The following CLASP2 variants were observed in gnomAD, a reference collection of about 807,000 sequenced individuals.
The protein encoded by CLASP2 is CLIP-associating protein 2.
A neutral mutation model predicts 194.4 loss-of-function variants in CLASP2; 47 were observed. The ratio of observed to expected loss-of-function variants is 0.24; its 90% confidence interval spans 0.19 to 0.31. CLASP2 has a LOEUF of 0.31. Among genes scored for constraint, CLASP2 ranks in the 10% least tolerant of loss-of-function variants. The pLI is 1.00. For synonymous variants in CLASP2, 619 were observed against 633.5 expected, an observed-to-expected ratio of 0.98 and a Z score of 0.34; for missense variants, 1,445 against 1,823.6, an observed-to-expected ratio of 0.79 and a Z score of 3.78.
At chr3:33,713,012 C>CAGAAAA (rs1559717375) in intron 1 of CLASP2, among the ~76,000 whole-genome samples, 4 of 47,006 alleles carry the variant, frequency 8.5e-5, no homozygotes, top group Non-Finnish European at 1.3e-4. Context: ...AACTCCACCT[C>CAGAAAA]AAAAAAAAAA....
intron 34 of CLASP2, among the ~76,000 whole-genome samples, chr3:33,526,521 C>T (rs2054607963): frequency 6.6e-6 from 1 of 152,140 alleles, no homozygotes; most frequent in African/African-American, 2.4e-5. Flanking sequence ...GATTCCCACA[C>T]AGTAACAGCA....
chr3:33,520,075 G>A (rs1196465309), intron 34 of CLASP2, among the ~76,000 whole-genome samples: 2 of 152,102 alleles, frequency 1.3e-5, no homozygotes, highest in South Asian at 2.1e-4. Flanking sequence ...GTGCACTGGC[G>A]TGATCTTGGC....
chr3:33,710,465 CAGA>C (rs1445696490), intron 1 of CLASP2, among the ~76,000 whole-genome samples: 2 of 152,120 alleles, frequency 1.3e-5, no homozygotes, highest in Non-Finnish European at 2.9e-5. Context: ...TTCAGCTACT[CAGA>C]AGACTGAGGC....
At chr3:33,695,220 A>ATTTTTTTTTTT (rs762657276) in intron 2 of CLASP2, among the ~76,000 whole-genome samples, 16 of 103,806 alleles carry the variant, frequency 1.5e-4, no homozygotes, top group African/African-American at 3.4e-4. Flanking sequence ...AAGCCTGCTA[A>ATTTTTTTTTTT]TTTTTTTTTT....
At chr3:33,551,956 T>G (rs76539977) in intron 29 of CLASP2, among the ~76,000 whole-genome samples, 1 of 151,228 alleles carries the variant, frequency 6.6e-6, no homozygotes, top group Non-Finnish European at 1.5e-5. Context: ...TTTTTTTTTT[T>G]GGTAAAACAC....
intron 30 of CLASP2, among the ~76,000 whole-genome samples, chr3:33,546,832 C>T (rs1033278015): frequency 6.6e-6 from 1 of 152,206 alleles, no homozygotes; most frequent in Non-Finnish European, 1.5e-5. Flanking sequence ...TCTACAGTCA[C>T]ATCAGTATTC....
At chr3:33,656,290 T>C (rs2084198114) in intron 7 of CLASP2, among the ~76,000 whole-genome samples, 1 of 152,062 alleles carries the variant, frequency 6.6e-6, no homozygotes, top group African/African-American at 2.4e-5. Context: ...CTGGAATATA[T>C]AAAAAGCAAG....
chr3:33,593,107 T>C (rs2069222475), intron 20 of CLASP2, among the ~76,000 whole-genome samples: 1 of 152,198 alleles, frequency 6.6e-6, no homozygotes, highest in African/African-American at 2.4e-5. Context: ...CTCAATATAT[T>C]TCTTTTCATA....
At position 33,592,436 on chromosome 3, in the gene CLASP2, G is replaced by A. The variant is rs780874039; in HGVS notation, c.2027C>T (p.Ser676Phe). The change falls in exon 21 of 39, where the codon TCT (serine) becomes TTT (phenylalanine). Residue 676 changes from serine to phenylalanine, a missense_variant. Transcript: ENST00000682230. Reference protein sequence around the residue: ...LAGMGNAKADSRGRSRTKMVS... With the variant: ...LAGMGNAKADFRGRSRTKMVS... ...CATTTTTGTTCGACTTCTTCCTCTA[G>A]AATCTGCCTTGGCATTTCCCATGCC... The A allele has an allele frequency of 2.2e-5, 35 of 1,613,800 alleles. No individual in the cohort carries two copies. Among genetic ancestry groups the A allele is most frequent in the Non-Finnish European group, 2.9e-5 (34 of 1,179,826 alleles).
intron 6 of CLASP2, among the ~76,000 whole-genome samples, chr3:33,668,908 G>C (rs1415581028): frequency 1.3e-5 from 2 of 152,174 alleles, no homozygotes; most frequent in Non-Finnish European, 2.9e-5. Context: ...AGGGAGAAAT[G>C]GTAAGAATGG....
Position 33,596,641 on chromosome 3 carries a change from G to T in CLASP2, c.1948+70C>A. ...TATTTTTAGAAATTAAGAGAAGAAT[G>T]AACAAGGATATTATATAGAATCCAG... On this transcript the variant is annotated intron_variant, in intron 19 of 38. Transcript: ENST00000682230. The T allele has an allele frequency of 3.9e-6, 4 of 1,036,012 alleles. No individual in the cohort carries two copies. In the South Asian group the frequency reaches 4.7e-5, roughly 12 times the overall value. 64.2% of individuals were successfully genotyped at this position (1,036,012 alleles called of 1,614,324 possible).
chr3:33,547,790 ATTTTTT>A (rs551611344), intron 30 of CLASP2, among the ~76,000 whole-genome samples: 8 of 136,020 alleles, frequency 5.9e-5, no homozygotes, highest in African/African-American at 8.2e-5. Flanking sequence ...TATTTTATGT[ATTTTTT>A]TTTTTTTTTT....
intron 5 of CLASP2, among the ~76,000 whole-genome samples, chr3:33,686,169 A>T (rs2090644560): frequency 6.6e-6 from 1 of 152,184 alleles, no homozygotes; most frequent in Non-Finnish European, 1.5e-5. Flanking sequence ...AAAGAAGGGA[A>T]AATCTTTCCT....
At chr3:33,552,695 C>T (rs2060231897) in intron 29 of CLASP2, among the ~76,000 whole-genome samples, 1 of 152,080 alleles carries the variant, frequency 6.6e-6, no homozygotes, top group Admixed American at 6.6e-5. Flanking sequence ...TTCAGTCACC[C>T]CTTTTCTGTG....
intron 6 of CLASP2, among the ~76,000 whole-genome samples, chr3:33,673,928 C>T (rs978320995): frequency 1.3e-5 from 2 of 152,034 alleles, no homozygotes; most frequent in African/African-American, 2.4e-5. Flanking sequence ...TACAGGAGCA[C>T]CCAGATTCAT....
intron 24 of CLASP2, chr3:33,573,601 C>G: frequency 1.9e-6 from 1 of 527,826 alleles, no homozygotes; most frequent in Non-Finnish European, 3.4e-6. Flanking sequence ...TATGGAAGTT[C>G]AGATATGTAA....
intron 5 of CLASP2, among the ~76,000 whole-genome samples, chr3:33,686,554 T>C (rs1334736936): frequency 1.3e-5 from 2 of 152,136 alleles, no homozygotes; most frequent in South Asian, 2.1e-4. Context: ...AAACCATCCC[T>C]ACCCCGCCCA....
rs1422875585 is a variant in CLASP2, at chr3:33,699,887, A to C, written c.196-2954T>G. 3.3e-5 allele frequency among the ~76,000 whole-genome samples: 5 copies of C among 151,898 alleles called. No individual in the cohort carries two copies. In the East Asian group the frequency reaches 5.8e-4, roughly 18 times the overall value. On this transcript the variant is annotated intron_variant, in intron 1 of 38. Coordinates refer to ENST00000682230, the MANE Select transcript of CLASP2 (RefSeq NM_001365631.1). ...ATTGTACTACCAAAAAAAAAAAAAA[A>C]AAGAATGCTGTCGCTTCATAATTCT...
In CLASP2 at chr3:33,496,824, C is replaced by T; in HGVS notation, c.*1807G>A. On this transcript the variant is annotated 3_prime_UTR_variant, in exon 39 of 39. Coordinates refer to ENST00000682230, the MANE Select transcript of CLASP2 (RefSeq NM_001365631.1). ...ACAGATAAGCTGTAATATATACATGCGTATGTAGCTATATACCTTTGATTG... is the reference window on the plus strand; with the variant it reads ...ACAGATAAGCTGTAATATATACATGTGTATGTAGCTATATACCTTTGATTG... The T allele has an allele frequency of 6.6e-6, 1 of 152,270 alleles. No homozygotes were observed. The highest frequency in any genetic ancestry group is 2.1e-4 in the South Asian group (1 of 4,820). 9.4% of individuals were successfully genotyped at this position (152,270 alleles called of 1,614,324 possible). A position where few individuals can be genotyped will look rare whatever the true frequency, so the allele number is the denominator to read the frequency against.
Sources: allele counts gnomAD v4.1 joint callset (sites outside exome capture counted in the v4.1 genomes callset), GRCh38; gene constraint gnomAD v4.1.1; transcripts MANE v1.5; gene names NCBI Gene and HGNC (gene_info 2026-07-23, HGNC 2026-07-21).